The following IPO5 variants were observed in gnomAD, a reference collection of about 807,000 sequenced individuals.
The protein encoded by IPO5 is importin 5, also known as importin-5.
Under a neutral mutation model 143.3 loss-of-function variants are expected in IPO5, and 18 were observed. That is an observed-to-expected ratio of 0.13 (90% CI 0.09 to 0.19). The LOEUF (loss-of-function observed/expected upper bound fraction) is 0.19, where lower values mean the gene tolerates loss of function less well. Ranked by LOEUF, IPO5 falls within the 10% of genes least tolerant of loss-of-function variation. The pLI is 1.00. For missense variants in IPO5, 1,013 were observed against 1,336.9 expected (o/e 0.76, Z 3.78); for synonymous variants, 477 against 465.7 (o/e 1.02, Z -0.31).
chr13:97,992,537 C>T (rs546188230), intron 9 of IPO5, among the ~76,000 whole-genome samples: 7 of 151,984 alleles, frequency 4.6e-5, no homozygotes, highest in East Asian at 3.9e-4. Flanking sequence ...CCAGCCTGGG[C>T]GACAGAGCGA....
intron 20 of IPO5, among the ~76,000 whole-genome samples, chr13:98,011,950 G>A (rs1889752853): frequency 6.6e-6 from 1 of 151,852 alleles, no homozygotes; most frequent in Admixed American, 6.6e-5. Context: ...TTGATGTATT[G>A]CTGAAACTTG....
chr13:98,005,129 T>A (rs1889114026), intron 16 of IPO5, among the ~76,000 whole-genome samples: 1 of 150,758 alleles, frequency 6.6e-6, no homozygotes, highest in Non-Finnish European at 1.5e-5. Flanking sequence ...ACACCTGACC[T>A]CAAGTCATCC....
In IPO5 at chr13:98,018,463, TAAAAG is replaced by T. The variant is rs1489178468; in HGVS notation, c.2617-20_2617-16del. On this transcript the variant is annotated splice_polypyrimidine_tract_variant and intron_variant, in intron 25 of 28. Coordinates refer to ENST00000651721, the MANE Select transcript of IPO5 (RefSeq NM_002271.6). ...TTTGTGTACACCAGTATTTGAAGCT[TAAAAG>T]AGAATTTCTTTTGTAGTGTCCACAT... 1 of 1,553,012 alleles carries T rather than the reference TAAAAG, an allele frequency of 6.4e-7. No homozygotes were observed. Among genetic ancestry groups the T allele is most frequent in the African/African-American group, 1.4e-5 (1 of 73,816 alleles).
At chr13:97,992,798 T>A in intron 9 of IPO5, 94 bp from the exon 10 acceptor site, 1 of 1,268,154 alleles carries the variant, frequency 7.9e-7, no homozygotes, top group African/African-American at 1.5e-5. Context: ...AGTTTAGTAA[T>A]ATTTCTCTAT....
intron 3 of IPO5, among the ~76,000 whole-genome samples, chr13:97,974,130 A>G (rs550459647): frequency 6.6e-6 from 1 of 152,298 alleles, no homozygotes; most frequent in Admixed American, 6.5e-5. Context: ...AATTTCTATT[A>G]TTTAGTAACT....
In IPO5 at chr13:98,002,779, T is replaced by C. The variant is rs1365471833; in HGVS notation, c.1323+6T>C. 7.5e-6 allele frequency: 12 copies of C among 1,605,812 alleles called. No individual in the cohort carries two copies. The highest frequency in any genetic ancestry group is 1.7e-6 in the Non-Finnish European group (2 of 1,176,704). On this transcript the variant is annotated splice_donor_region_variant and intron_variant, in intron 15 of 28. Coordinates refer to ENST00000651721, the MANE Select transcript of IPO5 (RefSeq NM_002271.6). Reference sequence around the variant, plus strand: ...AAAAGAAATTTCATGAGAAGGTAAGTAACAAGTCCTCAAACACTTAAATCA... The same window carrying C: ...AAAAGAAATTTCATGAGAAGGTAAGCAACAAGTCCTCAAACACTTAAATCA...
intron 11 of IPO5, among the ~76,000 whole-genome samples, chr13:97,996,674 C>T (rs571097317): frequency 6.6e-6 from 1 of 152,254 alleles, no homozygotes; most frequent in East Asian, 1.9e-4. Flanking sequence ...GTGATCTTGG[C>T]TCACAGCGAG....
chr13:98,011,515 C>T (rs916300148), intron 20 of IPO5, among the ~76,000 whole-genome samples: 10 of 150,952 alleles, frequency 6.6e-5, no homozygotes, highest in African/African-American at 2.4e-4. Flanking sequence ...TGGTCTTGAA[C>T]TCCTGACCTC....
At chr13:98,020,437 AT>A (rs1298734748) in intron 27 of IPO5, among the ~76,000 whole-genome samples, 3 of 152,224 alleles carry the variant, frequency 2.0e-5, no homozygotes, top group Admixed American at 2.0e-4. Flanking sequence ...TCATTAAGGA[AT>A]GTAACAGCCA....
chr13:98,001,850 G>C (rs1342245498), intron 13 of IPO5: 1 of 152,240 alleles, frequency 6.6e-6, no homozygotes, highest in African/African-American at 2.4e-5. Flanking sequence ...CTGACTTTAA[G>C]TGATCCACCC....
In IPO5 at chr13:98,016,755, C is replaced by A; in HGVS notation, c.2520C>A (p.Thr840=). 1 of 1,494,860 alleles carries A rather than the reference C, an allele frequency of 6.7e-7. No individual in the cohort carries two copies. 92.6% of individuals were successfully genotyped at this position (1,494,860 alleles called of 1,614,324 possible). The change falls in exon 25 of 29, where the codon ACC becomes ACA. Residue 840 remains threonine (T), a synonymous_variant. Transcript: ENST00000651721. ...ATGATAATGATGTTTATATTCTGAC[C>A]AAAGTGTCAGATATTTTACACTCAA... ...DEDDNDVYIL[T]KVSDILHSIF... is the part of the protein sequence containing the mutation.
chr13:98,003,999 A>G (rs749177157), intron 16 of IPO5, among the ~76,000 whole-genome samples: 4 of 152,266 alleles, frequency 2.6e-5, no homozygotes, highest in Admixed American at 1.3e-4. Flanking sequence ...GCAACCTGAA[A>G]ACAATTGAAT....
chr13:97,996,349 T>C (rs1221186036), intron 11 of IPO5, among the ~76,000 whole-genome samples: 10 of 151,960 alleles, frequency 6.6e-5, no homozygotes, highest in African/African-American at 2.4e-4. Flanking sequence ...GCAGGCCCAG[T>C]CAGGAAATTC....
chr13:97,969,805 C>T lies in IPO5; in HGVS notation c.-30C>T. 3 of 1,612,536 alleles carry T rather than the reference C, an allele frequency of 1.9e-6. No individual in the cohort carries two copies. The highest frequency in any genetic ancestry group is 2.5e-6 in the Non-Finnish European group (3 of 1,178,934). On this transcript the variant is annotated 5_prime_UTR_variant, in exon 3 of 29. Coordinates refer to ENST00000651721, the MANE Select transcript of IPO5 (RefSeq NM_002271.6). ...AATGCCTGAGGATCAAGTTGGAAAA[C>T]TAGAAGCAACAGAAAACACAATAAG...
At chr13:97,995,616 C>T (rs1289635283) in intron 11 of IPO5, among the ~76,000 whole-genome samples, 1 of 151,748 alleles carries the variant, frequency 6.6e-6, no homozygotes, top group Non-Finnish European at 1.5e-5. Context: ...ATTAGCCGGG[C>T]GTGGTGGCGG....
Position 98,014,061 on chromosome 13 carries a change from G to C in IPO5, c.2172G>C (p.Ala724=). The stretch of plus-strand genomic sequence containing the variant: ...TGAAACGTGTTCGAGTGGCAGCAGC[G>C]GAATCCATGCCTCTTCTCCTGGAGT... ...YFHDGVRVAA[A]ESMPLLLECA... is the part of the protein sequence containing the mutation. The change falls in exon 22 of 29, where the codon GCG becomes GCC. Residue 724 remains alanine, a synonymous_variant. Transcript: ENST00000651721. 3 of 1,607,680 alleles carry C rather than the reference G, an allele frequency of 1.9e-6. No individual in the cohort carries two copies. Among genetic ancestry groups the C allele is most frequent in the Non-Finnish European group, 2.5e-6 (3 of 1,178,350 alleles).
At position 98,016,849 on chromosome 13, in the gene IPO5, A is replaced by G; in HGVS notation, c.2614A>G (p.Ile872Val). ...EQLLPLIVNL[I>V]CPHRPWPDRQ... Reference sequence around the variant, plus strand: ...GCTGCTTCCATTAATTGTCAACCTCATTGTAAGTGTTACCTCTCTTAATAG... The same window carrying G: ...GCTGCTTCCATTAATTGTCAACCTCGTTGTAAGTGTTACCTCTCTTAATAG... The change falls in exon 25 of 29, where the codon ATT becomes GTT. Residue 872 changes from isoleucine to valine, a missense_variant and splice_region_variant. By Grantham distance (29) the Ile-to-Val change is conservative (BLOSUM62 3). Transcript: ENST00000651721. 6.5e-7 allele frequency: 1 copy of G among 1,544,114 alleles called. No individual in the cohort carries two copies. Among genetic ancestry groups the G allele is most frequent in the Non-Finnish European group, 8.7e-7 (1 of 1,152,846 alleles).
chr13:98,003,487 T>G (rs1486797430), intron 16 of IPO5, among the ~76,000 whole-genome samples: 1 of 152,116 alleles, frequency 6.6e-6, no homozygotes, highest in East Asian at 1.9e-4. Context: ...ATAGTAATAG[T>G]GGAAGAGGTG....
At chr13:97,976,190 G>T (rs1311334939) in intron 3 of IPO5, among the ~76,000 whole-genome samples, 1 of 151,510 alleles carries the variant, frequency 6.6e-6, no homozygotes, top group African/African-American at 2.4e-5. Context: ...CTCCTCCCCG[G>T]CCAGGCCTCA....
Sources: allele counts gnomAD v4.1 joint callset (sites outside exome capture counted in the v4.1 genomes callset), GRCh38; gene constraint gnomAD v4.1.1; transcripts MANE v1.5; gene names NCBI Gene and HGNC (gene_info 2026-07-23, HGNC 2026-07-21).